Variants in APOBEC3D observed in about 807,000 individuals in gnomAD.
APOBEC3D encodes DNA dC->dU-editing enzyme APOBEC-3D.
Under a neutral mutation model 45.6 loss-of-function variants are expected in APOBEC3D, and 37 were observed. The observed-to-expected ratio is 0.81, with a 90% confidence interval of 0.62 to 1.07. The LOEUF (loss-of-function observed/expected upper bound fraction) is 1.07. Ranked by LOEUF, APOBEC3D falls within the 50% of genes least tolerant of loss-of-function variation. The pLI is 0.00. For synonymous variants in APOBEC3D, 175 were observed against 180.7 expected, an observed-to-expected ratio of 0.97 and a Z score of 0.25; for missense variants, 496 against 495.3, an observed-to-expected ratio of 1.00 and a Z score of -0.01.
At position 39,033,208 on chromosome 22, in the gene APOBEC3D, C is replaced by T; in HGVS notation, c.*892C>T. The stretch of plus-strand genomic sequence containing the variant: ...CTCCAGTTTGAGCAACAGATCAAGA[C>T]CCTGCCTGAAAATAAATCAATAAAT... On this transcript the variant is annotated 3_prime_UTR_variant, in exon 7 of 7. Coordinates refer to ENST00000216099, the MANE Select transcript of APOBEC3D (RefSeq NM_152426.4). 7.3e-6 allele frequency: 7 copies of T among 954,260 alleles called. No homozygotes were observed. The highest frequency in any genetic ancestry group is 8.7e-6 in the Non-Finnish European group (7 of 801,596). The allele number at this position is 954,260 out of a possible 1,614,324, so 59.1% of individuals were successfully genotyped here. A position where few individuals can be genotyped will look rare whatever the true frequency, so the allele number is the denominator to read the frequency against.
At chr22:39,023,138 CAG>C (rs1265587030) in intron 2 of APOBEC3D, 124 bp downstream of exon 2, 6 of 493,900 alleles carry the variant, frequency 1.2e-5, no homozygotes, top group Non-Finnish European at 1.5e-5. Flanking sequence ...TATTTTGAGA[CAG>C]AGTCTCCATC....
intron 4 of APOBEC3D, 85 bp downstream of exon 4, chr22:39,025,756 G>T: frequency 6.2e-7 from 1 of 1,601,548 alleles, no homozygotes; most frequent in Non-Finnish European, 8.5e-7. Context: ...GGGCCCTCCT[G>T]CCCTCCGTCC....
intron 4 of APOBEC3D, among the ~76,000 whole-genome samples, chr22:39,025,968 CA>C (rs1332263333): frequency 6.6e-6 from 1 of 152,190 alleles, no homozygotes; most frequent in Non-Finnish European, 1.5e-5. Context: ...ATCTCCCTGG[CA>C]TAACCGAATT....
rs545791710 is a variant in APOBEC3D at position 39,026,696 on chromosome 22, G to C, written c.605+1025G>C. Among the ~76,000 whole-genome samples the C allele has an allele frequency of 2.6e-5, 4 of 152,092 alleles. No individual in the cohort carries two copies. In the South Asian group the frequency reaches 8.3e-4, roughly 32 times the overall value. On this transcript the variant is annotated intron_variant, in intron 4 of 6. Coordinates refer to ENST00000216099, the MANE Select transcript of APOBEC3D (RefSeq NM_152426.4). ...CTCAAATCCCTCCCACAGGGATGGA[G>C]ATGCAGAAAGAGTCAAGCAAACACT...
chr22:39,023,333 C>G (rs1039155530), intron 2 of APOBEC3D, among the ~76,000 whole-genome samples: 1 of 151,910 alleles, frequency 6.6e-6, no homozygotes, highest in African/African-American at 2.4e-5. Flanking sequence ...GCAGGCTGGT[C>G]TGGAACTCCT....
At position 39,031,962 on chromosome 22, in the gene APOBEC3D, T is replaced by A. The variant is rs1195539458; in HGVS notation, c.1031T>A (p.Met344Lys). The A allele has an allele frequency of 6.2e-7, 1 of 1,614,082 alleles. No individual in the cohort carries two copies. Among genetic ancestry groups the A allele is most frequent in the South Asian group, 1.1e-5 (1 of 91,076 alleles). The change falls in exon 6 of 7, where the codon ATG becomes AAG. Residue 344 changes from methionine to lysine, a missense_variant. By Grantham distance (95) the Met-to-Lys change is moderately conservative. Transcript: ENST00000216099. ...LSQEGASVKI[M>K]GYKDFVSCWK... The stretch of plus-strand genomic sequence containing the variant: ...CAGGAAGGGGCCTCCGTGAAGATCA[T>A]GGGCTACAAAGGTGAGACGTGGGGG...
rs146178764 is a variant in APOBEC3D at position 39,029,596 on chromosome 22, C to T, written c.762+77C>T. 6 of 1,558,262 alleles carry T rather than the reference C, an allele frequency of 3.9e-6. No individual in the cohort carries two copies. The African/African-American group carries it at 6.8e-5, about 18-fold the overall frequency. On this transcript the variant is annotated intron_variant, in intron 5 of 6. Coordinates refer to ENST00000216099, the MANE Select transcript of APOBEC3D (RefSeq NM_152426.4). ...CGCAGAAAACACAATACGTGACGTG[C>T]CCCGCGTGGGCTCTGCTATGTGTAC...
At position 39,031,859 on chromosome 22, in the gene APOBEC3D, G is replaced by C. The variant is rs559787644; in HGVS notation, c.928G>C (p.Val310Leu). Reference sequence around the variant, plus strand: ...CGAGTTCCTGGCCAGGCACAGCAACGTGAATCTCACCATCTTCACCGCCCG... The same window carrying C: ...CGAGTTCCTGGCCAGGCACAGCAACCTGAATCTCACCATCTTCACCGCCCG... ...VAEFLARHSN[V>L]NLTIFTARLC... The change falls in exon 6 of 7, where the codon GTG (valine) becomes CTG (leucine). Residue 310 changes from valine (V) to leucine (L), a missense_variant. By Grantham distance (32) the Val-to-Leu change is conservative. Coordinates refer to ENST00000216099, the MANE Select transcript of APOBEC3D (RefSeq NM_152426.4). 1.9e-6 allele frequency: 3 copies of C among 1,614,192 alleles called. No individual in the cohort carries two copies. The highest frequency in any genetic ancestry group is 3.3e-5 in the Admixed American group (2 of 60,024).
At chr22:39,027,120 G>A (rs1925750475) in intron 4 of APOBEC3D, among the ~76,000 whole-genome samples, 1 of 152,092 alleles carries the variant, frequency 6.6e-6, no homozygotes, top group Non-Finnish European at 1.5e-5. Flanking sequence ...TGAGCACCTG[G>A]GTCTTAGACC....
chr22:39,024,687 C>T (rs1925454037), intron 2 of APOBEC3D, among the ~76,000 whole-genome samples: 1 of 152,034 alleles, frequency 6.6e-6, no homozygotes, highest in Admixed American at 6.6e-5. Flanking sequence ...CCTGGGATGT[C>T]GAGTCACTGG....
intron 1 of APOBEC3D, 84 bp downstream of exon 1, chr22:39,021,620 T>C: frequency 1.9e-6 from 3 of 1,566,912 alleles, no homozygotes; most frequent in Non-Finnish European, 1.7e-6. Context: ...GGCCTCCCCC[T>C]GCCCCAGCCC....
chr22:39,025,487 G>A (rs772270455), intron 3 of APOBEC3D, 70 bp from the exon 4 acceptor site: 2 of 1,614,036 alleles, frequency 1.2e-6, no homozygotes, highest in Non-Finnish European at 1.7e-6. Flanking sequence ...TGACAGCCAG[G>A]AGACCAGGCC....
intron 5 of APOBEC3D, among the ~76,000 whole-genome samples, chr22:39,031,181 A>T (rs913632882): frequency 6.6e-6 from 1 of 152,188 alleles, no homozygotes; most frequent in African/African-American, 2.4e-5. Context: ...AAAATAATAA[A>T]AAAATAAAGA....
chr22:39,031,996 G>C, intron 6 of APOBEC3D, 23 bp downstream of exon 6: 1 of 1,613,714 alleles, frequency 6.2e-7, no homozygotes, highest in Non-Finnish European at 8.5e-7. Context: ...GGGCTGAGGA[G>C]AGTGGGTGCG....
chr22:39,021,791 G>C (rs1203846754), intron 1 of APOBEC3D, among the ~76,000 whole-genome samples: 2 of 152,196 alleles, frequency 1.3e-5, no homozygotes, highest in Non-Finnish European at 2.9e-5. Flanking sequence ...GAAAGTCATG[G>C]CCAGGCCGGT....
At chr22:39,024,348 C>G (rs1288347507) in intron 2 of APOBEC3D, among the ~76,000 whole-genome samples, 1 of 152,122 alleles carries the variant, frequency 6.6e-6, no homozygotes, top group South Asian at 2.1e-4. Flanking sequence ...AAGGCGGACC[C>G]CAGAGGGCCA....
At chr22:39,024,750 C>A (rs1482710382) in intron 2 of APOBEC3D, among the ~76,000 whole-genome samples, 2 of 152,092 alleles carry the variant, frequency 1.3e-5, no homozygotes, top group Non-Finnish European at 2.9e-5. Context: ...ATACTGCCCC[C>A]CCAGCTAGAG....
chr22:39,025,594 A>C lies in APOBEC3D; in HGVS notation c.528A>C (p.Glu176Asp). ...AYCWENFVCN[E>D]GQPFMPWYKF... ...GCTGGGAAAACTTTGTGTGCAATGA[A>C]GGTCAGCCATTCATGCCTTGGTACA... Residue 176 changes from glutamate (E) to aspartate (D), a missense_variant, in exon 4 of 7, where the codon GAA (glutamate) becomes GAC (aspartate). Transcript: ENST00000216099. 6.2e-7 allele frequency: 1 copy of C among 1,614,104 alleles called. No homozygotes were observed. Among genetic ancestry groups the C allele is most frequent in the Non-Finnish European group, 8.5e-7 (1 of 1,179,996 alleles).
intron 4 of APOBEC3D, among the ~76,000 whole-genome samples, chr22:39,026,591 C>T (rs1925687927): frequency 6.6e-6 from 1 of 152,132 alleles, no homozygotes; most frequent in Non-Finnish European, 1.5e-5. Context: ...CCTGCCCTGA[C>T]TCCCACAGCC....
Sources: allele counts gnomAD v4.1 joint callset (sites outside exome capture counted in the v4.1 genomes callset), GRCh38; gene constraint gnomAD v4.1.1; transcripts MANE v1.5; gene names NCBI Gene and HGNC (gene_info 2026-07-23, HGNC 2026-07-21).